Variants in STARD13 observed in about 807,000 individuals in gnomAD.
STARD13 encodes the protein StAR related lipid transfer domain containing 13, also known as stAR-related lipid transfer protein 13.
In STARD13, 62 loss-of-function variants were observed where a neutral mutation model predicts 106.4. The ratio of observed to expected loss-of-function variants is 0.58; its 90% CI spans 0.48 to 0.72. The LOEUF (loss-of-function observed/expected upper bound fraction) is 0.72, where lower values mean the gene tolerates loss of function less well. Ranked by LOEUF, STARD13 falls within the 30% of genes least tolerant of loss-of-function variation. The pLI, the probability that STARD13 is intolerant of heterozygous loss-of-function variation, is 0.00. For missense variants in STARD13, 1,387 were observed against 1,424.0 expected, an observed-to-expected ratio of 0.97 and a Z score of 0.42; for synonymous variants, 565 against 553.0, an observed-to-expected ratio of 1.02 and a Z score of -0.31.
the STARD13 span, among the ~76,000 whole-genome samples, chr13:33,617,246 C>T: frequency 1.9e-3 from 287 of 152,228 alleles, 1 homozygote; most frequent in African/African-American, 6.3e-3. Flanking sequence ...GATGACTAAA[C>T]GAGTTAATAG....
intron 4 of STARD13, among the ~76,000 whole-genome samples, chr13:33,133,871 GC>G: frequency 6.6e-6 from 1 of 152,176 alleles, no homozygotes; most frequent in East Asian, 1.9e-4. Context: ...AGAGCATCAG[GC>G]ACATTTCAGA....
the STARD13 span, among the ~76,000 whole-genome samples, chr13:33,448,573 A>T: frequency 6.6e-6 from 1 of 152,168 alleles, no homozygotes; most frequent in Admixed American, 6.6e-5. Context: ...ACAGGAGTGC[A>T]AATACCTCTT....
intron 1 of STARD13, among the ~76,000 whole-genome samples, chr13:33,332,823 T>G (rs914936693): frequency 5.3e-5 from 8 of 152,212 alleles, no homozygotes; most frequent in African/African-American, 1.9e-4. Context: ...AGAAGCTCAG[T>G]AAGGCTGCTG....
chr13:33,514,395 C>T, the STARD13 span, among the ~76,000 whole-genome samples: 5 of 152,022 alleles, frequency 3.3e-5, no homozygotes, highest in Admixed American at 6.6e-5. Context: ...AAAGGAAGGA[C>T]GGCCATGGGG....
chr13:33,365,108 C>A, the STARD13 span, among the ~76,000 whole-genome samples: 1 of 151,858 alleles, frequency 6.6e-6, no homozygotes, highest in African/African-American at 2.4e-5. Flanking sequence ...TGTGAGATGA[C>A]CACAAAATGA....
the STARD13 span, among the ~76,000 whole-genome samples, chr13:33,440,482 C>T: frequency 6.6e-6 from 1 of 151,974 alleles, no homozygotes; most frequent in African/African-American, 2.4e-5. Flanking sequence ...CTTTATCCTT[C>T]TGGCCTTCTG....
the STARD13 span, among the ~76,000 whole-genome samples, chr13:33,499,219 A>C: frequency 6.6e-6 from 1 of 152,262 alleles, no homozygotes; most frequent in Admixed American, 6.5e-5. Flanking sequence ...TAATCTGATA[A>C]TCTTATGTTT....
At position 33,316,821 on chromosome 13, in the gene STARD13, A is replaced by G. The variant is rs572422069; in HGVS notation, c.124+33469T>C. Among the ~76,000 whole-genome samples the G allele has an allele frequency of 1.4e-4, 22 of 152,304 alleles. 1 individual carries two copies. The South Asian group carries it at 3.9e-3, about 27-fold the overall frequency. On this transcript the variant is annotated intron_variant, in intron 1 of 5. Transcript: ENST00000567873. ...CAGGCATTTGTCCCCACCGTTCATC[A>G]GGCATTTGTCCCCACCACTCCTGTG...
the STARD13 span, among the ~76,000 whole-genome samples, chr13:33,367,082 T>C: frequency 2.6e-5 from 4 of 152,252 alleles, no homozygotes. Context: ...AGCCAAGTGA[T>C]TAATGGCAGC....
chr13:33,297,648 C>T (rs1439639431), intron 1 of STARD13, among the ~76,000 whole-genome samples: 1 of 150,922 alleles, frequency 6.6e-6, no homozygotes, highest in Non-Finnish European at 1.5e-5. Context: ...GAAGAAACTG[C>T]ACCAAAAAGA....
At chr13:33,614,270 C>CGTGTGTGTGTGTGTGTGTGTGTGT in the STARD13 span, among the ~76,000 whole-genome samples, 91 of 145,250 alleles carry the variant, frequency 6.3e-4, no homozygotes, top group African/African-American at 9.3e-4. Context: ...ATACATTCTC[C>CGTGTGTGTGTGTGTGTGTGTGTGT]GTGTGTGTGT....
At chr13:33,299,188 A>T (rs370558557) in intron 1 of STARD13, among the ~76,000 whole-genome samples, 1 of 152,220 alleles carries the variant, frequency 6.6e-6, no homozygotes, top group African/African-American at 2.4e-5. Context: ...GTGTTGTAGG[A>T]TTTGTGTGAG....
intron 3 of STARD13, among the ~76,000 whole-genome samples, chr13:33,161,041 C>T (rs911286733): frequency 6.6e-6 from 1 of 152,138 alleles, no homozygotes; most frequent in Non-Finnish European, 1.5e-5. Context: ...AATGGATAAA[C>T]AACCGTAGGA....
At chr13:33,220,077 A>G (rs1888270886) in intron 1 of STARD13, among the ~76,000 whole-genome samples, 1 of 152,162 alleles carries the variant, frequency 6.6e-6, no homozygotes, top group Non-Finnish European at 1.5e-5. Flanking sequence ...TTGATGAGGC[A>G]GGGATGTTTT....
intron 7 of STARD13, among the ~76,000 whole-genome samples, chr13:33,119,957 G>T (rs1876011958): frequency 6.6e-6 from 1 of 152,188 alleles, no homozygotes; most frequent in South Asian, 2.1e-4. Flanking sequence ...CAAGATGTCA[G>T]GTGAGTGATT....
chr13:33,331,033 A>G (rs1163629146), intron 1 of STARD13, among the ~76,000 whole-genome samples: 1 of 152,204 alleles, frequency 6.6e-6, no homozygotes, highest in African/African-American at 2.4e-5. Flanking sequence ...ATGGATTCAC[A>G]TATTTTTGTC....
the STARD13 span, among the ~76,000 whole-genome samples, chr13:33,523,832 C>A: frequency 6.6e-6 from 1 of 152,062 alleles, no homozygotes; most frequent in Non-Finnish European, 1.5e-5. Flanking sequence ...ACTCTTATGC[C>A]TCTTTTCTGG....
the STARD13 span, among the ~76,000 whole-genome samples, chr13:33,645,509 T>G: frequency 6.6e-6 from 1 of 152,202 alleles, no homozygotes; most frequent in Admixed American, 6.5e-5. Flanking sequence ...GATCATGGAC[T>G]CAAGGATATA....
the STARD13 span, among the ~76,000 whole-genome samples, chr13:33,499,519 T>TTTCTTCTTCTTCTTCTTC: frequency 1.1e-5 from 1 of 91,978 alleles, no homozygotes; most frequent in Non-Finnish European, 2.4e-5. Flanking sequence ...TTCTTCTTTC[T>TTTCTTCTTCTTCTTCTTC]TTCTTCTTCT....
Sources: gnomAD v4.1 joint callset for allele counts (sites outside exome capture counted in the v4.1 genomes callset) on GRCh38, gnomAD v4.1.1 for gene constraint, MANE v1.5 for transcripts, NCBI Gene and HGNC (gene_info 2026-07-23, HGNC 2026-07-21) for gene names.